IL17RD: variants seen among roughly 807,000 people sequenced by gnomAD.
IL17RD encodes the protein interleukin-17 receptor D.
In IL17RD, 52 loss-of-function variants were observed where a neutral mutation model predicts 80.5. The observed-to-expected ratio is 0.65, with a 90% CI of 0.52 to 0.81. The LOEUF (loss-of-function observed/expected upper bound fraction) is 0.81. IL17RD is among the 40% of genes least tolerant of loss of function. IL17RD has a pLI of 0.00. For missense variants in IL17RD, 1,024 were observed against 955.1 expected (o/e 1.07, Z -0.95); for synonymous variants, 416 against 391.8 (o/e 1.06, Z -0.73).
At chr3:57,150,346 G>A (rs534934105) in intron 1 of IL17RD, 2 of 152,290 alleles carry the variant, frequency 1.3e-5, no homozygotes, top group African/African-American at 4.8e-5. Context: ...TCTGAGACAG[G>A]GTGCTTGGAA....
intron 1 of IL17RD, among the ~76,000 whole-genome samples, chr3:57,124,384 C>T (rs1707404589): frequency 1.3e-5 from 2 of 152,110 alleles, no homozygotes; most frequent in Non-Finnish European, 2.9e-5. Context: ...GGAGAGTATT[C>T]TGGGTTATCC....
intron 1 of IL17RD, among the ~76,000 whole-genome samples, chr3:57,153,366 C>A (rs1579318378): frequency 6.6e-6 from 1 of 152,176 alleles, no homozygotes; most frequent in Admixed American, 6.5e-5. Context: ...TTAGAGGGGT[C>A]TTGTCAAAAT....
intron 10 of IL17RD, 42 bp downstream of exon 10, chr3:57,102,437 C>T (rs1365387927): frequency 8.6e-7 from 1 of 1,163,966 alleles, no homozygotes; most frequent in Non-Finnish European, 1.2e-6. Flanking sequence ...CACCCCCTGG[C>T]CTGCCCCTTG....
chr3:57,162,120 G>A (rs1339056521), intron 1 of IL17RD, among the ~76,000 whole-genome samples: 1 of 152,252 alleles, frequency 6.6e-6, no homozygotes, highest in African/African-American at 2.4e-5. Flanking sequence ...TGTTAGCAGG[G>A]CTGCAGAGGG....
At chr3:57,097,223 G>C (rs1706698253) in intron 12 of IL17RD, among the ~76,000 whole-genome samples, 1 of 151,956 alleles carries the variant, frequency 6.6e-6, no homozygotes, top group Admixed American at 6.5e-5. Flanking sequence ...AATGGGGGCG[G>C]GGGGTGTGAA....
At chr3:57,149,328 C>T (rs1205030625) in intron 1 of IL17RD, among the ~76,000 whole-genome samples, 2 of 151,458 alleles carry the variant, frequency 1.3e-5, no homozygotes, top group African/African-American at 4.9e-5. Context: ...TTCCTTCACT[C>T]GGCAGAATTG....
chr3:57,164,945 C>T (rs2060336486), intron 1 of IL17RD: 1 of 1,304,956 alleles, frequency 7.7e-7, no homozygotes, highest in Non-Finnish European at 9.7e-7. Flanking sequence ...AACACAAAGC[C>T]GGGGTCGGGC....
At chr3:57,101,115 G>T (rs1443727821) in intron 11 of IL17RD, 64 bp downstream of exon 11, 18 of 1,352,898 alleles carry the variant, frequency 1.3e-5, no homozygotes, top group Admixed American at 4.0e-5. Context: ...GGAGAAGGCA[G>T]CGGGGAGAGA....
intron 3 of IL17RD, among the ~76,000 whole-genome samples, chr3:57,110,713 C>T (rs1380532721): frequency 1.3e-5 from 2 of 152,238 alleles, no homozygotes; most frequent in Admixed American, 6.5e-5. Flanking sequence ...TCCCCCAAAA[C>T]CATGTTTCCA....
intron 1 of IL17RD, among the ~76,000 whole-genome samples, chr3:57,149,478 A>T (rs1294824622): frequency 3.9e-5 from 6 of 152,234 alleles, no homozygotes; most frequent in Non-Finnish European, 8.8e-5. Flanking sequence ...TCGAGTATAA[A>T]GTACCACGGT....
rs1706593442 is a variant in IL17RD, at chr3:57,093,014, G to GA, written c.*3378dup. The GA allele has an allele frequency of 6.6e-6, 1 of 152,162 alleles. No individual in the cohort carries two copies. The highest frequency in any genetic ancestry group is 2.1e-4 in the South Asian group (1 of 4,808). The allele number at this position is 152,162 out of a possible 1,614,324, so 9.4% of individuals were successfully genotyped here. ...AAAATCCAGATTGTCAGCTTTTCTT[G>GA]AAAAATGGGAAGATCAGGAAGTACT... On this transcript the variant is annotated 3_prime_UTR_variant, in exon 13 of 13. Transcript: ENST00000296318.
At chr3:57,105,552 A>ATATATATATAT (rs1553623052) in intron 7 of IL17RD, among the ~76,000 whole-genome samples, 1 of 63,586 alleles carries the variant, frequency 1.6e-5, no homozygotes, top group African/African-American at 9.3e-5. Context: ...AAAAAAAAAA[A>ATATATATATAT]ATATATATAT....
rs1706551428 is a variant in IL17RD at position 57,091,403 on chromosome 3, C to T, written c.*4990G>A. The T allele has an allele frequency of 6.6e-6, 1 of 152,482 alleles. No individual in the cohort carries two copies. Among genetic ancestry groups the T allele is most frequent in the African/African-American group, 2.4e-5 (1 of 41,398 alleles). The allele number at this position is 152,482 out of a possible 1,614,324, so 9.4% of individuals were successfully genotyped here. A position where few individuals can be genotyped will look rare whatever the true frequency, so the allele number is the denominator to read the frequency against. The stretch of plus-strand genomic sequence containing the variant: ...GGTGACATATCATTTTGTGAAAGTG[C>T]CATTATATTTTTAAGTGGTAAGAGG... On this transcript the variant is annotated 3_prime_UTR_variant, in exon 13 of 13. Coordinates refer to ENST00000296318, the MANE Select transcript of IL17RD (RefSeq NM_017563.5).
chr3:57,103,943 G>A (rs537679908), intron 8 of IL17RD, among the ~76,000 whole-genome samples: 1 of 152,210 alleles, frequency 6.6e-6, no homozygotes, highest in South Asian at 2.1e-4. Flanking sequence ...GTGGTGTTTA[G>A]AATTCATTTA....
chr3:57,162,928 G>C (rs866644328), intron 1 of IL17RD, among the ~76,000 whole-genome samples: 4 of 152,334 alleles, frequency 2.6e-5, no homozygotes, highest in African/African-American at 7.2e-5. Flanking sequence ...TCCCTGAGGA[G>C]GTACCACCTG....
chr3:57,108,955 T>C (rs963413133), intron 5 of IL17RD, among the ~76,000 whole-genome samples: 8 of 151,778 alleles, frequency 5.3e-5, no homozygotes, highest in Admixed American at 3.9e-4. Context: ...TAATGCAGAC[T>C]GTCTTAGCGG....
chr3:57,139,345 T>A (rs913654220), intron 1 of IL17RD, among the ~76,000 whole-genome samples: 1 of 152,162 alleles, frequency 6.6e-6, no homozygotes, highest in Non-Finnish European at 1.5e-5. Context: ...TCAAGATGGA[T>A]GTTTTCAACA....
chr3:57,107,105 G>A (rs1033489500), intron 5 of IL17RD, among the ~76,000 whole-genome samples: 28 of 152,292 alleles, frequency 1.8e-4, no homozygotes, highest in African/African-American at 3.8e-4. Context: ...AGGGCCGGGC[G>A]CGGTGGCTCA....
intron 1 of IL17RD, among the ~76,000 whole-genome samples, chr3:57,154,660 T>C (rs1233884149): frequency 2.0e-5 from 3 of 152,074 alleles, no homozygotes; most frequent in African/African-American, 4.8e-5. Context: ...AGCAGCACTA[T>C]AGGGGCAGGT....
Sources: gnomAD v4.1 joint callset for allele counts (sites outside exome capture counted in the v4.1 genomes callset) on GRCh38, gnomAD v4.1.1 for gene constraint, MANE v1.5 for transcripts, NCBI Gene and HGNC (gene_info 2026-07-23, HGNC 2026-07-21) for gene names.